The following CADM3 variants were observed in gnomAD, a reference collection of about 807,000 sequenced individuals.
The protein encoded by CADM3 is TSLC1-like 1.
Under a neutral mutation model 44.9 loss-of-function variants are expected in CADM3, and 11 were observed. The ratio of observed to expected loss-of-function variants is 0.25; its 90% CI spans 0.15 to 0.41. The LOEUF (loss-of-function observed/expected upper bound fraction) is 0.41, where lower values mean the gene tolerates loss of function less well. Ranked by LOEUF, CADM3 falls within the 10% of genes least tolerant of loss-of-function variation. The pLI is 1.00. For synonymous variants in CADM3, 207 were observed against 205.2 expected (o/e 1.01, Z -0.08); for missense variants, 426 against 512.0 (o/e 0.83, Z 1.62).
chr1:159,180,861 C>T (rs1649205908), intron 1 of CADM3, among the ~76,000 whole-genome samples: 1 of 152,104 alleles, frequency 6.6e-6, no homozygotes, highest in Non-Finnish European at 1.5e-5. Flanking sequence ...GTTATCCCAC[C>T]ACACCAAGCC....
At chr1:159,200,090 G>T (rs1650092746) in intron 8 of CADM3, among the ~76,000 whole-genome samples, 1 of 152,052 alleles carries the variant, frequency 6.6e-6, no homozygotes, top group Admixed American at 6.6e-5. Context: ...GATCACTTGG[G>T]GATCGTCCAA....
chr1:159,179,177 A>G lies in CADM3; in HGVS notation c.88+7324A>G, dbSNP rs138340637. 1.5e-4 allele frequency among the ~76,000 whole-genome samples: 23 copies of G among 152,184 alleles called. 1 individual carries two copies. Among genetic ancestry groups the G allele is most frequent in the Admixed American group, 7.9e-4 (12 of 15,278 alleles). On this transcript the variant is annotated intron_variant, in intron 1 of 8. Coordinates refer to ENST00000368125, the MANE Select transcript of CADM3 (RefSeq NM_001127173.3). ...AGGACTCAAATACAGAAATCTCAAC[A>G]TATTTTTCAGCACATATATCATTCT...
intron 1 of CADM3, among the ~76,000 whole-genome samples, chr1:159,180,994 A>G (rs1649210283): frequency 6.6e-6 from 1 of 151,948 alleles, no homozygotes; most frequent in Non-Finnish European, 1.5e-5. Context: ...GGTAGTGCAG[A>G]GTATGAGCAA....
intron 1 of CADM3, among the ~76,000 whole-genome samples, chr1:159,179,965 C>T (rs1439609933): frequency 6.6e-6 from 1 of 152,194 alleles, no homozygotes; most frequent in South Asian, 2.1e-4. Flanking sequence ...AAAATTACCA[C>T]CACTAAGCCC....
intron 1 of CADM3, among the ~76,000 whole-genome samples, chr1:159,178,081 C>T (rs760260528): frequency 1.1e-4 from 16 of 152,134 alleles, no homozygotes; most frequent in Non-Finnish European, 2.4e-4. Context: ...ACTTATAATA[C>T]CATATACAAT....
At position 159,189,629 on chromosome 1, in the gene CADM3, A is replaced by G. The variant is rs973354867; in HGVS notation, c.89-2307A>G. On this transcript the variant is annotated intron_variant, in intron 1 of 8. Coordinates refer to ENST00000368125, the MANE Select transcript of CADM3 (RefSeq NM_001127173.3). Reference sequence around the variant, plus strand: ...TAGTTAATTTCGCCCCTTGGTAAGAACCCTACCTTCTCTTAGGTATCCTGG... The same window carrying G: ...TAGTTAATTTCGCCCCTTGGTAAGAGCCCTACCTTCTCTTAGGTATCCTGG... 1.2e-5 allele frequency: 8 copies of G among 644,178 alleles called. No individual in the cohort carries two copies. The African/African-American group carries it at 1.3e-4, about 11-fold the overall frequency. 39.9% of individuals were successfully genotyped at this position (644,178 alleles called of 1,614,324 possible). A position where few individuals can be genotyped will look rare whatever the true frequency, so the allele number is the denominator to read the frequency against.
At chr1:159,197,172 A>C in intron 7 of CADM3, 112 bp downstream of exon 7, 1 of 1,170,784 alleles carries the variant, frequency 8.5e-7, no homozygotes, top group Non-Finnish European at 1.2e-6. Context: ...GAGTGGAGTA[A>C]AGGAAAACCA....
At chr1:159,200,528 A>G (rs879672506) in intron 8 of CADM3, among the ~76,000 whole-genome samples, 2,392 of 89,266 alleles carry the variant, frequency 0.027, 56 homozygotes, top group East Asian at 0.12. Flanking sequence ...GCACACACAC[A>G]CACACACACA....
rs1649926411 is a variant in CADM3 at position 159,196,932 on chromosome 1, C to T, written c.824C>T (p.Pro275Leu). ...YLWEKEGSVPPLKMTQESALI... is the reference protein window; with the variant it reads ...YLWEKEGSVPLLKMTQESALI... ...TGGGAGAAGGAGGGCAGTGTGCCAC[C>T]CCTGAAGATGACCCAGGAGAGTGCC... is the stretch of plus-strand genomic sequence containing the variant. The change falls in exon 7 of 9, where the codon CCC (proline) becomes CTC (leucine). Residue 275 changes from proline (P) to leucine (L), a missense_variant. Coordinates refer to ENST00000368125, the MANE Select transcript of CADM3 (RefSeq NM_001127173.3). 6.2e-7 allele frequency: 1 copy of T among 1,613,956 alleles called. No individual in the cohort carries two copies. Among genetic ancestry groups the T allele is most frequent in the South Asian group, 1.1e-5 (1 of 91,088 alleles).
At position 159,178,112 on chromosome 1, in the gene CADM3, T is replaced by C. The variant is rs1649094863; in HGVS notation, c.88+6259T>C. 2.0e-5 allele frequency among the ~76,000 whole-genome samples: 3 copies of C among 152,210 alleles called. No homozygotes were observed. In the South Asian group the frequency reaches 6.2e-4, roughly 32 times the overall value. On this transcript the variant is annotated intron_variant, in intron 1 of 8. Transcript: ENST00000368125. ...ACAATCTAAATGCTATGTAAATAGT[T>C]GTTTTACTGTATTGTTTAGGCAATA...
intron 7 of CADM3, chr1:159,198,193 C>A (rs979094224): frequency 3.9e-5 from 6 of 152,200 alleles, no homozygotes; most frequent in Non-Finnish European, 7.3e-5. Flanking sequence ...ACTGCATCTT[C>A]TTCCAGGAAT....
intron 1 of CADM3, among the ~76,000 whole-genome samples, chr1:159,190,144 A>G (rs1649588592): frequency 6.6e-6 from 1 of 152,214 alleles, no homozygotes; most frequent in African/African-American, 2.4e-5. Flanking sequence ...ATTACTCAGA[A>G]TAAAGAGGTT....
chr1:159,179,884 A>T (rs1028769568), intron 1 of CADM3, among the ~76,000 whole-genome samples: 1 of 151,814 alleles, frequency 6.6e-6, no homozygotes, highest in Non-Finnish European at 1.5e-5. Context: ...GTTCTTAAGG[A>T]TGAGATCTTT....
Position 159,194,007 on chromosome 1 carries a change from G to A in CADM3, c.658G>A (p.Asp220Asn). ...GAACCATGAATCTCTAAAGGGAGCT[G>A]ACAGATCCACCTCTCAACGCATTGA... ...SVNHESLKGA[D>N]RSTSQRIEVL... The change falls in exon 5 of 9, where the codon GAC (aspartate) becomes AAC (asparagine). Residue 220 changes from aspartate (D) to asparagine (N), a missense_variant. Coordinates refer to ENST00000368125, the MANE Select transcript of CADM3 (RefSeq NM_001127173.3). The A allele has an allele frequency of 6.2e-7, 1 of 1,614,174 alleles. No homozygotes were observed.
At chr1:159,185,513 C>G (rs555941808) in intron 1 of CADM3, among the ~76,000 whole-genome samples, 1 of 152,064 alleles carries the variant, frequency 6.6e-6, no homozygotes, top group Admixed American at 6.5e-5. Flanking sequence ...TATCCCAGTA[C>G]TTATTAGATA....
rs1293309397 is a variant in CADM3 at position 159,193,468 on chromosome 1, G to T, written c.428G>T (p.Arg143Leu). Residue 143 changes from arginine (R) to leucine (L), a missense_variant, in exon 4 of 9, where the codon CGG (arginine) becomes CTG (leucine). Arg to Leu is a moderately radical substitution (Grantham distance 102). Transcript: ENST00000368125. ...PIITGYKSSL[R>L]EKDTATLNCQ... ...ATCACTGGTTATAAATCTTCATTAC[G>T]GGAAAAAGACACAGCCACCCTAAAC... 1 of 1,612,126 alleles carries T rather than the reference G, an allele frequency of 6.2e-7. No individual in the cohort carries two copies. The highest frequency in any genetic ancestry group is 8.5e-7 in the Non-Finnish European group (1 of 1,178,494).
At chr1:159,199,090 A>C (rs532195910) in intron 7 of CADM3, among the ~76,000 whole-genome samples, 1 of 152,022 alleles carries the variant, frequency 6.6e-6, no homozygotes, top group African/African-American at 2.4e-5. Flanking sequence ...GGCCCCTTAC[A>C]TCTATCATCT....
chr1:159,185,268 T>C (rs1239280900), intron 1 of CADM3, among the ~76,000 whole-genome samples: 1 of 152,208 alleles, frequency 6.6e-6, no homozygotes, highest in Admixed American at 6.5e-5. Flanking sequence ...ACACCACAGG[T>C]GCGCATTTCC....
chr1:159,180,682 A>G (rs759190132), intron 1 of CADM3, among the ~76,000 whole-genome samples: 1 of 151,768 alleles, frequency 6.6e-6, no homozygotes, highest in African/African-American at 2.4e-5. Context: ...AGCAGAACAC[A>G]TTTTTCTTCA....
Sources: allele counts gnomAD v4.1 joint callset (sites outside exome capture counted in the v4.1 genomes callset), GRCh38; gene constraint gnomAD v4.1.1; transcripts MANE v1.5; gene names NCBI Gene and HGNC (gene_info 2026-07-23, HGNC 2026-07-21).